NIBAN1: variants seen among roughly 807,000 people sequenced by gnomAD.
The protein encoded by NIBAN1 is protein Niban 1.
Under a neutral mutation model 75.1 loss-of-function variants are expected in NIBAN1, and 81 were observed. The ratio of observed to expected loss-of-function variants is 1.08; its 90% CI spans 0.90 to 1.30. The LOEUF (loss-of-function observed/expected upper bound fraction) is 1.30, where lower values mean the gene tolerates loss of function less well. Ranked by LOEUF, NIBAN1 falls within the 50% of genes most tolerant of loss-of-function variation. The pLI is 0.00. For missense variants in NIBAN1, 1,133 were observed against 1,128.1 expected (o/e 1.00, Z -0.06); for synonymous variants, 436 against 424.8 (o/e 1.03, Z -0.32).
chr1:184,805,903 C>T (rs767195398), intron 11 of NIBAN1, 43 bp downstream of exon 11: 10 of 1,488,978 alleles, frequency 6.7e-6, no homozygotes, highest in African/African-American at 1.4e-5. Flanking sequence ...ACAGGGGTCA[C>T]GTTCTCTTTT....
At chr1:184,928,786 G>C (rs369789746) in intron 1 of NIBAN1, among the ~76,000 whole-genome samples, 21 of 152,246 alleles carry the variant, frequency 1.4e-4, no homozygotes, top group African/African-American at 4.3e-4. Flanking sequence ...GTTAAAACTA[G>C]GTACTGTGAT....
At chr1:184,890,781 G>T (rs1183259720) in intron 3 of NIBAN1, among the ~76,000 whole-genome samples, 1 of 152,216 alleles carries the variant, frequency 6.6e-6, no homozygotes, top group African/African-American at 2.4e-5. Context: ...GGTTGAGATG[G>T]AAGTACAGCA....
intron 1 of NIBAN1, among the ~76,000 whole-genome samples, chr1:184,951,684 G>A (rs1658362066): frequency 6.6e-6 from 1 of 152,100 alleles, no homozygotes; most frequent in African/African-American, 2.4e-5. Flanking sequence ...TGTTTGGCTT[G>A]CTTCCTCCCT....
At chr1:184,817,659 C>T (rs1654575997) in intron 9 of NIBAN1, among the ~76,000 whole-genome samples, 1 of 152,196 alleles carries the variant, frequency 6.6e-6, no homozygotes, top group East Asian at 1.9e-4. Flanking sequence ...CTGTTGGCTA[C>T]ATAAATGTCT....
intron 5 of NIBAN1, among the ~76,000 whole-genome samples, chr1:184,864,232 C>G (rs1188680157): frequency 6.6e-6 from 1 of 152,162 alleles, no homozygotes; most frequent in Non-Finnish European, 1.5e-5. Flanking sequence ...GGATTGTTGT[C>G]AGCCTTCACA....
chr1:184,893,126 T>C (rs549088563), intron 3 of NIBAN1, among the ~76,000 whole-genome samples: 1 of 152,302 alleles, frequency 6.6e-6, no homozygotes, highest in South Asian at 2.1e-4. Context: ...AATCTGTTAC[T>C]GTCGTTCACT....
intron 1 of NIBAN1, among the ~76,000 whole-genome samples, chr1:184,931,092 T>C (rs1179481148): frequency 1.3e-5 from 2 of 150,884 alleles, no homozygotes; most frequent in African/African-American, 4.9e-5. Flanking sequence ...CTCCATCTTC[T>C]GGGTTCAAGC....
intron 5 of NIBAN1, among the ~76,000 whole-genome samples, chr1:184,878,219 G>A (rs1441268563): frequency 6.6e-6 from 1 of 152,162 alleles, no homozygotes; most frequent in Non-Finnish European, 1.5e-5. Context: ...CTAATAGAGA[G>A]CAGTTCTGTT....
intron 1 of NIBAN1, among the ~76,000 whole-genome samples, chr1:184,953,479 T>C (rs968375730): frequency 6.6e-6 from 1 of 152,264 alleles, no homozygotes; most frequent in African/African-American, 2.4e-5. Flanking sequence ...GTGAAACTTA[T>C]GCTCATTTGC....
At chr1:184,925,520 A>G (rs1460092403) in intron 1 of NIBAN1, among the ~76,000 whole-genome samples, 1 of 151,870 alleles carries the variant, frequency 6.6e-6, no homozygotes. Flanking sequence ...TTATTAGTGA[A>G]GATGATTTTT....
rs1654766682 is a variant in NIBAN1, at chr1:184,823,692, G to T, written c.768C>A (p.Asp256Glu). 6.2e-7 allele frequency: 1 copy of T among 1,614,034 alleles called. No homozygotes were observed. The highest frequency in any genetic ancestry group is 1.3e-5 in the African/African-American group (1 of 74,938). The change falls in exon 7 of 14, where the codon GAC becomes GAA. Residue 256 changes from aspartate to glutamate, a missense_variant. Coordinates refer to ENST00000367511, the MANE Select transcript of NIBAN1 (RefSeq NM_052966.4). ...TCTTCCCCTTCATCTTAGGCAGCAG[G>T]TCTGTCTGAAGAGTGGGCAGGAGCT... Reference protein sequence around the residue: ...MEELLPTLQTDLLPKMKGKKN... With the variant: ...MEELLPTLQTELLPKMKGKKN...
chr1:184,876,422 G>T (rs939976090), intron 5 of NIBAN1, among the ~76,000 whole-genome samples: 23 of 152,220 alleles, frequency 1.5e-4, no homozygotes, highest in Admixed American at 3.9e-4. Context: ...CTGGGGCCGG[G>T]CATGGTGGCT....
Position 184,974,293 on chromosome 1 carries a change from C to A in NIBAN1, c.55+9G>T. ...GGTGCTCCCCAGGCCCCCGGGCGGG[C>A]GGGCGTACCTCGGATGTAAGCGCAC... is the stretch of plus-strand genomic sequence containing the variant. On this transcript the variant is annotated intron_variant, in intron 1 of 13. Transcript: ENST00000367511. The A allele has an allele frequency of 6.4e-7, 1 of 1,555,556 alleles. No homozygotes were observed. The highest frequency in any genetic ancestry group is 8.6e-7 in the Non-Finnish European group (1 of 1,157,998).
At chr1:184,928,407 G>GC (rs1657735988) in intron 1 of NIBAN1, among the ~76,000 whole-genome samples, 1 of 152,296 alleles carries the variant, frequency 6.6e-6, no homozygotes, top group African/African-American at 2.4e-5. Flanking sequence ...GGCCAGCACA[G>GC]CACCAGGACT....
In NIBAN1 at chr1:184,794,978, C is replaced by A; in HGVS notation, c.2786G>T (p.Ter929LeuextTer6). Residue 929 changes from the stop codon to leucine (L), a stop_lost, in exon 14 of 14, where the codon TGA becomes TTA. Coordinates refer to ENST00000367511, the MANE Select transcript of NIBAN1 (RefSeq NM_052966.4). ...ESFPELPSEE* is the reference protein window; with the variant it reads ...ESFPELPSEEL ...AAGACTTCAGCCAAATTGTCCCTTT[C>A]ACTCCTCTGAGGGCAGCTCTGGGAA... 6.2e-7 allele frequency: 1 copy of A among 1,608,630 alleles called. No homozygotes were observed.
Position 184,921,686 on chromosome 1 carries a change from A to T in NIBAN1, c.56-22377T>A, listed in dbSNP as rs556235651. ...AAGTTAGTATGTAACAATCAAGGCAAATGGGTGGCCATCAGCTGCCAAAGC... is the reference window on the plus strand; with the variant it reads ...AAGTTAGTATGTAACAATCAAGGCATATGGGTGGCCATCAGCTGCCAAAGC... On this transcript the variant is annotated intron_variant, in intron 1 of 13. Transcript: ENST00000367511. 3.3e-5 allele frequency among the ~76,000 whole-genome samples: 5 copies of T among 152,338 alleles called. No homozygotes were observed. The South Asian group carries it at 1.0e-3, about 32-fold the overall frequency.
At chr1:184,833,192 T>G (rs1306521955) in intron 5 of NIBAN1, among the ~76,000 whole-genome samples, 1 of 151,142 alleles carries the variant, frequency 6.6e-6, no homozygotes, top group Non-Finnish European at 1.5e-5. Context: ...ATAGTTGATA[T>G]GGGGAACTAA....
At chr1:184,824,817 C>A (rs1207038141) in intron 6 of NIBAN1, among the ~76,000 whole-genome samples, 1 of 152,122 alleles carries the variant, frequency 6.6e-6, no homozygotes, top group Non-Finnish European at 1.5e-5. Context: ...AATAGAATGT[C>A]TCCGAAGCTG....
chr1:184,940,745 TG>T (rs1658069596), intron 1 of NIBAN1, among the ~76,000 whole-genome samples: 1 of 152,202 alleles, frequency 6.6e-6, no homozygotes, highest in Admixed American at 6.5e-5. Context: ...ATTAGTTCTG[TG>T]AGTAAAAATG....
Sources: gnomAD v4.1 joint callset for allele counts (sites outside exome capture counted in the v4.1 genomes callset) on GRCh38, gnomAD v4.1.1 for gene constraint, MANE v1.5 for transcripts, NCBI Gene and HGNC (gene_info 2026-07-23, HGNC 2026-07-21) for gene names.